The following SEMA6A variants were observed in gnomAD, a reference collection of about 807,000 sequenced individuals.
SEMA6A encodes the protein semaphorin-6A.
In SEMA6A, 25 loss-of-function variants were observed where a neutral mutation model predicts 96.8. That is an observed-to-expected ratio of 0.26 (90% CI 0.19 to 0.36). The LOEUF (loss-of-function observed/expected upper bound fraction) is 0.36. Ranked by LOEUF, SEMA6A falls within the 10% of genes least tolerant of loss-of-function variation. The pLI is 1.00. For synonymous variants in SEMA6A, 612 were observed against 518.0 expected, an observed-to-expected ratio of 1.18 and a Z score of -2.46; for missense variants, 1,363 against 1,323.1, an observed-to-expected ratio of 1.03 and a Z score of -0.47.
chr5:116,538,070 G>A (rs1399333630), intron 1 of SEMA6A, among the ~76,000 whole-genome samples: 19 of 152,334 alleles, frequency 1.2e-4, no homozygotes, highest in African/African-American at 4.1e-4. Flanking sequence ...AGCTACTTGG[G>A]AGGCTGAGGC....
intron 1 of SEMA6A, among the ~76,000 whole-genome samples, chr5:116,560,183 C>T (rs915953779): frequency 4.6e-5 from 7 of 152,208 alleles, no homozygotes; most frequent in Non-Finnish European, 8.8e-5. Flanking sequence ...ATGCTTCCTC[C>T]TTCAATGGAG....
At chr5:116,454,350 C>T (rs1178306804) in intron 18 of SEMA6A, among the ~76,000 whole-genome samples, 1 of 152,100 alleles carries the variant, frequency 6.6e-6, no homozygotes, top group Non-Finnish European at 1.5e-5. Flanking sequence ...GTAAGACAAG[C>T]CTACAATTTC....
chr5:116,521,040 T>C (rs1002658677), intron 1 of SEMA6A, among the ~76,000 whole-genome samples: 5 of 152,250 alleles, frequency 3.3e-5, no homozygotes, highest in Non-Finnish European at 7.3e-5. Context: ...TCTCCCAGTT[T>C]GACCAGATTG....
chr5:116,553,183 T>A (rs543124790), intron 1 of SEMA6A, among the ~76,000 whole-genome samples: 28 of 152,376 alleles, frequency 1.8e-4, no homozygotes, highest in African/African-American at 6.5e-4. Context: ...CTATTTTTTG[T>A]GACTGTGTTT....
At chr5:116,495,831 G>T (rs909104763) in intron 5 of SEMA6A, 2 of 358,050 alleles carry the variant, frequency 5.6e-6, no homozygotes, top group Non-Finnish European at 1.0e-5. Flanking sequence ...GTTCCCTGAT[G>T]TACAAAGCTG....
In SEMA6A at chr5:116,447,745, G is replaced by T; in HGVS notation, c.1961C>A (p.Ala654Glu). 1 of 1,613,826 alleles carries T rather than the reference G, an allele frequency of 6.2e-7. No individual in the cohort carries two copies. Among genetic ancestry groups the T allele is most frequent in the Non-Finnish European group, 8.5e-7 (1 of 1,179,750 alleles). Residue 654 changes from alanine (A) to glutamate (E), a missense_variant, in exon 19 of 19, where the codon GCA becomes GAA. Ala to Glu is a moderately radical substitution (Grantham distance 107). This residue lies in a region of SEMA6A where 883 missense variants were observed against 763.6 expected (regional missense o/e 1.16). Coordinates refer to ENST00000343348, the MANE Select transcript of SEMA6A (RefSeq NM_020796.5). The part of the protein sequence containing the change: ...QLVPVTLLAI[A>E]VILAFVMGAV... ...CCCCATGACGAAAGCCAGGATGACT[G>T]CAATGGCCAAGAGGGTGACGGGAAC...
At chr5:116,514,324 G>C (rs1758566365) in intron 1 of SEMA6A, among the ~76,000 whole-genome samples, 2 of 152,018 alleles carry the variant, frequency 1.3e-5, no homozygotes. Context: ...TAATAGCCTG[G>C]TGTGAGATGG....
chr5:116,476,113 A>G (rs891830390), intron 15 of SEMA6A, among the ~76,000 whole-genome samples: 6 of 152,044 alleles, frequency 3.9e-5, no homozygotes, highest in African/African-American at 7.2e-5. Context: ...CCGGTGGTGC[A>G]TTTTGTGGAG....
chr5:116,478,715 G>A lies in SEMA6A; in HGVS notation c.1254C>T (p.Tyr418=), dbSNP rs948627470. 19 of 1,611,278 alleles carry A rather than the reference G, an allele frequency of 1.2e-5. No individual in the cohort carries two copies. Among genetic ancestry groups the A allele is most frequent in the East Asian group, 1.1e-4 (5 of 44,796 alleles). The change falls in exon 13 of 19, where the codon TAC becomes TAT. Residue 418 remains tyrosine, a synonymous_variant. Coordinates refer to ENST00000343348, the MANE Select transcript of SEMA6A (RefSeq NM_020796.5). ...RPWFLRTMVR[Y]RLTKIAVDTA... ...TGTCCACTGCAATTTTGGTAAGGCGGTATCTAAAATGACAGGACCACATTT... is the reference window on the plus strand; with the variant it reads ...TGTCCACTGCAATTTTGGTAAGGCGATATCTAAAATGACAGGACCACATTT...
intron 1 of SEMA6A, among the ~76,000 whole-genome samples, chr5:116,555,644 G>A (rs1760577386): frequency 6.6e-6 from 1 of 151,594 alleles, no homozygotes; most frequent in Non-Finnish European, 1.5e-5. Context: ...TTCTGGAGTA[G>A]CCTGAGCAAC....
At chr5:116,478,229 C>T in intron 13 of SEMA6A, 75 bp from the exon 14 acceptor site, 1 of 1,521,204 alleles carries the variant, frequency 6.6e-7, no homozygotes, top group African/African-American at 1.4e-5. Context: ...CATCCCACTT[C>T]CCAGCCCACA....
chr5:116,568,416 T>C (rs1243622077), intron 1 of SEMA6A, among the ~76,000 whole-genome samples: 1 of 152,180 alleles, frequency 6.6e-6, no homozygotes, highest in East Asian at 1.9e-4. Flanking sequence ...ACAGCAGATA[T>C]ACTGTACGGG....
chr5:116,572,147 C>G (rs1026423882), intron 1 of SEMA6A, among the ~76,000 whole-genome samples: 1 of 152,182 alleles, frequency 6.6e-6, no homozygotes, highest in Non-Finnish European at 1.5e-5. Context: ...TTTCTGAGAC[C>G]TGCTGGCACA....
At chr5:116,477,328 G>A (rs1756505210) in intron 15 of SEMA6A, among the ~76,000 whole-genome samples, 1 of 152,196 alleles carries the variant, frequency 6.6e-6, no homozygotes, top group Non-Finnish European at 1.5e-5. Context: ...TTGATTGACG[G>A]CCTGATGAGT....
chr5:116,516,956 C>T (rs1172689718), intron 1 of SEMA6A, among the ~76,000 whole-genome samples: 2 of 152,124 alleles, frequency 1.3e-5, no homozygotes, highest in Non-Finnish European at 2.9e-5. Context: ...GAAGTCTGCC[C>T]TGAGGCTCCT....
chr5:116,529,981 C>T (rs905512703), intron 1 of SEMA6A, among the ~76,000 whole-genome samples: 4 of 151,948 alleles, frequency 2.6e-5, no homozygotes, highest in African/African-American at 7.3e-5. Context: ...TGTATACCCT[C>T]GGAACCTAAA....
intron 18 of SEMA6A, among the ~76,000 whole-genome samples, chr5:116,453,443 G>A (rs1182391532): frequency 6.6e-6 from 1 of 152,150 alleles, no homozygotes. Flanking sequence ...ACTCACCACT[G>A]AATCTTCAGG....
At chr5:116,504,349 C>T (rs560526206) in intron 2 of SEMA6A, among the ~76,000 whole-genome samples, 1 of 152,274 alleles carries the variant, frequency 6.6e-6, no homozygotes, top group Admixed American at 6.5e-5. Context: ...AAGTTATAAA[C>T]AGTTAAAATG....
chr5:116,559,414 C>T (rs976429176), intron 1 of SEMA6A, among the ~76,000 whole-genome samples: 2 of 152,138 alleles, frequency 1.3e-5, no homozygotes, highest in African/African-American at 4.8e-5. Flanking sequence ...CAGGGTACCA[C>T]GTAGCAGTTA....
Sources: gnomAD v4.1 joint callset for allele counts (sites outside exome capture counted in the v4.1 genomes callset) on GRCh38, gnomAD v4.1.1 for gene constraint, gnomAD v4.1.1 regional missense constraint, MANE v1.5 for transcripts, NCBI Gene and HGNC (gene_info 2026-07-23, HGNC 2026-07-21) for gene names.